DPYD: variants seen among roughly 807,000 people sequenced by gnomAD.
DPYD encodes the protein dihydropyrimidine dehydrogenase, also known as dihydropyrimidine dehydrogenase [NADP(+)].
DPYD carries 109 observed loss-of-function variants against 116.2 expected under a neutral mutation model. That is an observed-to-expected ratio of 0.94 (90% CI 0.80 to 1.10). DPYD has a LOEUF of 1.10. DPYD is among the 50% of genes least tolerant of loss of function. The probability of loss-of-function intolerance (pLI) is 0.00; values close to 1 mark genes in which losing one functional copy is unlikely to be tolerated. For missense variants in DPYD, 1,302 were observed against 1,254.5 expected (o/e 1.04, Z -0.57); for synonymous variants, 440 against 432.0 (o/e 1.02, Z -0.23).
intron 20 of DPYD, among the ~76,000 whole-genome samples, chr1:97,099,786 A>G (rs940210744): frequency 6.6e-6 from 1 of 152,032 alleles, no homozygotes; most frequent in African/African-American, 2.4e-5. Flanking sequence ...AGCTTGCATA[A>G]CGCCCCAGGA....
At chr1:97,168,981 G>T (rs1656524065) in intron 20 of DPYD, among the ~76,000 whole-genome samples, 1 of 151,738 alleles carries the variant, frequency 6.6e-6, no homozygotes, top group Non-Finnish European at 1.5e-5. Context: ...TGGGTAGCTG[G>T]GATTACAGGC....
At chr1:97,745,548 G>A (rs1038910510) in intron 3 of DPYD, among the ~76,000 whole-genome samples, 24 of 152,028 alleles carry the variant, frequency 1.6e-4, no homozygotes, top group Non-Finnish European at 2.2e-4. Flanking sequence ...ATTTTCTGAC[G>A]TCTATGTCAG....
intron 20 of DPYD, among the ~76,000 whole-genome samples, chr1:97,104,345 T>C (rs1262824765): frequency 2.0e-5 from 3 of 152,126 alleles, no homozygotes; most frequent in Non-Finnish European, 4.4e-5. Flanking sequence ...TTTTCAAATA[T>C]GACATGAAGT....
At chr1:97,688,360 A>G (rs1316367767) in intron 7 of DPYD, among the ~76,000 whole-genome samples, 6 of 152,166 alleles carry the variant, frequency 3.9e-5, no homozygotes, top group Admixed American at 2.6e-4. Flanking sequence ...ATACTGAAAT[A>G]GTAGACTTAA....
chr1:97,418,125 G>A (rs1674382147), intron 14 of DPYD, among the ~76,000 whole-genome samples: 1 of 152,070 alleles, frequency 6.6e-6, no homozygotes, highest in Admixed American at 6.5e-5. Flanking sequence ...TAACTTACAT[G>A]TAAACATGTT....
chr1:97,297,879 A>T (rs776977949), intron 18 of DPYD, among the ~76,000 whole-genome samples: 4 of 152,170 alleles, frequency 2.6e-5, no homozygotes, highest in Non-Finnish European at 4.4e-5. Flanking sequence ...TTTTCAAAGG[A>T]CTAGTGATAT....
chr1:97,530,016 A>G lies in DPYD; in HGVS notation c.1525-14075T>C, dbSNP rs146171357. 1.2e-3 allele frequency among the ~76,000 whole-genome samples: 187 copies of G among 150,134 alleles called. 2 individuals are homozygous for G. Among genetic ancestry groups the G allele is most frequent in the Non-Finnish European group, 2.2e-3 (151 of 67,596 alleles). Reference sequence around the variant, plus strand: ...CCCATCTCCTGGAAACCATCATTCTATTGTCTATTTCTATACATTTGACTA... The same window carrying G: ...CCCATCTCCTGGAAACCATCATTCTGTTGTCTATTTCTATACATTTGACTA... On this transcript the variant is annotated intron_variant, in intron 12 of 22. Transcript: ENST00000370192.
chr1:97,292,365 A>C (rs74516432), intron 18 of DPYD, among the ~76,000 whole-genome samples: 3 of 152,274 alleles, frequency 2.0e-5, no homozygotes, highest in Non-Finnish European at 4.4e-5. Context: ...AACGGGAAGC[A>C]AACATGTCCT....
At position 97,204,587 on chromosome 1, in the gene DPYD, T is replaced by C. The variant is rs527242466; in HGVS notation, c.2443-11339A>G. ...ACCATATAATTTACCATCCAAACTG[T>C]GACACTTGAGAGTAAACAGGAAACT... is the stretch of plus-strand genomic sequence containing the variant. On this transcript the variant is annotated intron_variant, in intron 19 of 22. Coordinates refer to ENST00000370192, the MANE Select transcript of DPYD (RefSeq NM_000110.4). Among the ~76,000 whole-genome samples, 3 of 152,256 alleles carry C rather than the reference T, an allele frequency of 2.0e-5. No individual in the cohort carries two copies. The South Asian group carries it at 6.2e-4, about 32-fold the overall frequency.
Position 97,476,300 on chromosome 1 carries a change from G to C in DPYD, c.1741-26077C>G, listed in dbSNP as rs72729941. 7.9e-3 allele frequency among the ~76,000 whole-genome samples: 1,196 copies of C among 152,228 alleles called. 17 individuals are homozygous for C. Among genetic ancestry groups the C allele is most frequent in the South Asian group, 0.029 (138 of 4,812 alleles). On this transcript the variant is annotated intron_variant, in intron 13 of 22. Coordinates refer to ENST00000370192, the MANE Select transcript of DPYD (RefSeq NM_000110.4). ...TCAAAATCCAAAAATAACTGCTGCTGGGAAGAGTAAAATATATGTGTGATT... is the reference window on the plus strand; with the variant it reads ...TCAAAATCCAAAAATAACTGCTGCTCGGAAGAGTAAAATATATGTGTGATT...
intron 18 of DPYD, among the ~76,000 whole-genome samples, chr1:97,293,862 C>T (rs1018514269): frequency 2.1e-5 from 3 of 143,672 alleles, no homozygotes; most frequent in Non-Finnish European, 4.7e-5. Context: ...GCATGAGAAT[C>T]GCTCGAACCC....
chr1:97,895,015 T>C (rs539709942), intron 1 of DPYD, among the ~76,000 whole-genome samples: 1 of 151,874 alleles, frequency 6.6e-6, no homozygotes, highest in African/African-American at 2.4e-5. Flanking sequence ...AGAAAGTTGA[T>C]AGGGATTATT....
chr1:97,367,411 C>A (rs1335430471), intron 16 of DPYD, among the ~76,000 whole-genome samples: 1 of 151,854 alleles, frequency 6.6e-6, no homozygotes, highest in Non-Finnish European at 1.5e-5. Context: ...TTAAGGTTTA[C>A]CACTTTTAAA....
At chr1:97,611,151 A>G (rs1474432306) in intron 8 of DPYD, among the ~76,000 whole-genome samples, 2 of 152,120 alleles carry the variant, frequency 1.3e-5, no homozygotes, top group Non-Finnish European at 2.9e-5. Context: ...AGGCCTCACA[A>G]TCATGCCAGA....
chr1:97,657,340 A>G (rs1481174005), intron 8 of DPYD, among the ~76,000 whole-genome samples: 1 of 152,210 alleles, frequency 6.6e-6, no homozygotes, highest in Non-Finnish European at 1.5e-5. Context: ...AAAATGAGTT[A>G]TGACTTTCTG....
chr1:97,121,794 T>C (rs562077019), intron 20 of DPYD, among the ~76,000 whole-genome samples: 1 of 152,106 alleles, frequency 6.6e-6, no homozygotes, highest in Non-Finnish European at 1.5e-5. Context: ...ATAAACCTAG[T>C]TGGTTTGGGC....
chr1:97,899,773 C>G (rs900161648), intron 1 of DPYD, among the ~76,000 whole-genome samples: 1 of 151,912 alleles, frequency 6.6e-6, no homozygotes, highest in Non-Finnish European at 1.5e-5. Context: ...GAGATTGATA[C>G]GTGGTCATGG....
At chr1:97,277,882 C>G (rs990943274) in intron 18 of DPYD, among the ~76,000 whole-genome samples, 5 of 152,204 alleles carry the variant, frequency 3.3e-5, no homozygotes, top group African/African-American at 1.2e-4. Flanking sequence ...TACATGATCT[C>G]TGGTTAGTCC....
intron 16 of DPYD, among the ~76,000 whole-genome samples, chr1:97,347,837 T>C (rs1669937878): frequency 6.6e-6 from 1 of 152,140 alleles, no homozygotes; most frequent in African/African-American, 2.4e-5. Flanking sequence ...ATTCTCAGTA[T>C]TCTCAAGAAT....
Sources: allele counts gnomAD v4.1 joint callset (sites outside exome capture counted in the v4.1 genomes callset), GRCh38; gene constraint gnomAD v4.1.1; transcripts MANE v1.5; gene names NCBI Gene and HGNC (gene_info 2026-07-23, HGNC 2026-07-21).